Variants in TBC1D5 observed in about 807,000 individuals in gnomAD.
The protein encoded by TBC1D5 is TBC1 domain family, member 5.
Under a neutral mutation model 100.3 loss-of-function variants are expected in TBC1D5, and 75 were observed. That is an observed-to-expected ratio of 0.75 (90% confidence interval 0.62 to 0.91). TBC1D5 has a LOEUF of 0.91. TBC1D5 is among the 40% of genes least tolerant of loss of function. The pLI, the probability that TBC1D5 is intolerant of heterozygous loss-of-function variation, is 0.00. For synonymous variants in TBC1D5, 323 were observed against 325.6 expected (o/e 0.99, Z 0.09); for missense variants, 910 against 942.4 (o/e 0.97, Z 0.45).
At chr3:17,443,372 C>T (rs895386890) in intron 3 of TBC1D5, among the ~76,000 whole-genome samples, 6 of 152,178 alleles carry the variant, frequency 3.9e-5, no homozygotes, top group Non-Finnish European at 7.3e-5. Context: ...AACAATACCA[C>T]GTGCTGGATA....
chr3:17,449,539 C>A (rs1396763439), intron 3 of TBC1D5, among the ~76,000 whole-genome samples: 2 of 152,164 alleles, frequency 1.3e-5, no homozygotes, highest in African/African-American at 4.8e-5. Flanking sequence ...GATACTCAAG[C>A]TTGGTAGGGG....
intron 19 of TBC1D5, 149 bp from the exon 21 acceptor site, chr3:17,167,977 G>A: frequency 1.6e-6 from 1 of 622,936 alleles, no homozygotes; most frequent in Admixed American, 2.9e-5. Context: ...CTGCGGATGG[G>A]GAAGCTGCAG....
intron 14 of TBC1D5, among the ~76,000 whole-genome samples, chr3:17,298,608 T>C (rs987471659): frequency 2.0e-5 from 3 of 152,148 alleles, no homozygotes; most frequent in Admixed American, 6.5e-5. Context: ...GTCTTACTTG[T>C]ATATGAGGGA....
At chr3:17,415,217 C>T (rs917991142) in intron 4 of TBC1D5, among the ~76,000 whole-genome samples, 2 of 152,084 alleles carry the variant, frequency 1.3e-5, no homozygotes, top group African/African-American at 2.4e-5. Flanking sequence ...AGTGCAGTGG[C>T]GCTATCTCTG....
exon 14 of TBC1D5, chr3:17,308,079 C>T: frequency 6.2e-7 from 1 of 1,610,120 alleles, no homozygotes; most frequent in Admixed American, 1.7e-5. Context: ...GCATCCCAGA[C>T]CACCAGAAGG....
intron 15 of TBC1D5, among the ~76,000 whole-genome samples, chr3:17,289,451 T>G (rs191195249): frequency 6.6e-6 from 1 of 152,014 alleles, no homozygotes; most frequent in East Asian, 1.9e-4. Context: ...CTGGCCAACA[T>G]AGTGAAACCC....
chr3:17,232,119 A>G lies in TBC1D5; in HGVS notation c.1588+6044T>C, dbSNP rs1185283728. On this transcript the variant is annotated intron_variant, in intron 17 of 21. Coordinates refer to ENST00000253692, the Ensembl canonical transcript of TBC1D5. ...ATATAACACGAGGTATTTGAACAAA[A>G]CAATATAACCTCCCTCTTTGAAGTT... Among the ~76,000 whole-genome samples, 4 of 152,192 alleles carry G rather than the reference A, an allele frequency of 2.6e-5. No homozygotes were observed. The East Asian group carries it at 5.8e-4, about 22-fold the overall frequency.
chr3:17,695,030 A>T (rs2071787932), intron 1 of TBC1D5, among the ~76,000 whole-genome samples: 1 of 152,232 alleles, frequency 6.6e-6, no homozygotes. Context: ...AAAATCCTTT[A>T]CACACAAGCA....
intron 17 of TBC1D5, among the ~76,000 whole-genome samples, chr3:17,224,457 T>C (rs1373484315): frequency 6.6e-6 from 1 of 152,196 alleles, no homozygotes; most frequent in African/African-American, 2.4e-5. Context: ...TAAAAAATTA[T>C]TGACAAATTT....
At chr3:17,669,883 TTTTG>T (rs369245768) in intron 1 of TBC1D5, among the ~76,000 whole-genome samples, 3 of 152,094 alleles carry the variant, frequency 2.0e-5, no homozygotes, top group Admixed American at 6.5e-5. Context: ...GTCCCATGTT[TTTTG>T]TTTGTTTGTT....
chr3:17,479,164 G>A (rs1443686985), intron 3 of TBC1D5, among the ~76,000 whole-genome samples: 5 of 152,176 alleles, frequency 3.3e-5, no homozygotes, highest in Non-Finnish European at 7.3e-5. Context: ...TTTTGGGGTG[G>A]CAGAGGCAAG....
chr3:17,385,148 T>G (rs988583700), intron 8 of TBC1D5, among the ~76,000 whole-genome samples: 2 of 152,060 alleles, frequency 1.3e-5, no homozygotes, highest in Non-Finnish European at 1.5e-5. Flanking sequence ...ACAATACTGA[T>G]CTTGTGATCA....
At chr3:17,378,744 A>C (rs1354981643) in intron 9 of TBC1D5, among the ~76,000 whole-genome samples, 1 of 149,848 alleles carries the variant, frequency 6.7e-6, no homozygotes, top group Non-Finnish European at 1.5e-5. Flanking sequence ...CCTTATATTG[A>C]GATTAGGAAA....
intron 19 of TBC1D5, among the ~76,000 whole-genome samples, chr3:17,181,821 T>C (rs1198976998): frequency 6.6e-6 from 1 of 152,220 alleles, no homozygotes; most frequent in Non-Finnish European, 1.5e-5. Flanking sequence ...AGGCCAAATA[T>C]ATACCATTTT....
chr3:17,400,128 G>A (rs902194599), intron 8 of TBC1D5, among the ~76,000 whole-genome samples: 1 of 152,004 alleles, frequency 6.6e-6, no homozygotes, highest in Non-Finnish European at 1.5e-5. Context: ...TGTGATGGCA[G>A]CATCCTATCT....
intron 2 of TBC1D5, among the ~76,000 whole-genome samples, chr3:17,513,985 G>A (rs2095948634): frequency 6.6e-6 from 1 of 152,038 alleles, no homozygotes; most frequent in African/African-American, 2.4e-5. Context: ...ATGATTGGAA[G>A]TAACAATGTT....
At position 17,420,439 on chromosome 3, in the gene TBC1D5, T is replaced by A. The variant is rs367788405; in HGVS notation, c.167+8011A>T. On this transcript the variant is annotated intron_variant, in intron 4 of 21. Coordinates refer to ENST00000253692, the Ensembl canonical transcript of TBC1D5. ...GTCAAATTGTTTATGAAATAGACAA[T>A]CAGAAATTAAGTATTATATAGAGCT... Among the ~76,000 whole-genome samples the A allele has an allele frequency of 1.7e-4, 26 of 152,186 alleles. No individual in the cohort carries two copies. In the East Asian group the frequency reaches 3.9e-3, roughly 23 times the overall value.
intron 2 of TBC1D5, among the ~76,000 whole-genome samples, chr3:17,529,133 C>T (rs567199733): frequency 5.3e-5 from 8 of 152,306 alleles, no homozygotes; most frequent in Non-Finnish European, 7.3e-5. Flanking sequence ...GAAACCCCTT[C>T]GATGAGTGAC....
rs78613830 is a variant in TBC1D5, at chr3:17,462,716, C to G, written c.98-34197G>C. ...TCCTTCTACTGCTTGCCTATCTATA[C>G]AGAATAATAATAAAGACTGTATGAA... On this transcript the variant is annotated intron_variant, in intron 3 of 21. Coordinates refer to ENST00000253692, the Ensembl canonical transcript of TBC1D5. 3.5e-3 allele frequency among the ~76,000 whole-genome samples: 529 copies of G among 152,204 alleles called. 3 individuals carry two copies. Among genetic ancestry groups the G allele is most frequent in the African/African-American group, 0.012 (514 of 41,526 alleles).
Sources: allele counts gnomAD v4.1 joint callset (sites outside exome capture counted in the v4.1 genomes callset), GRCh38; gene constraint gnomAD v4.1.1; transcripts MANE v1.5; gene names NCBI Gene and HGNC (gene_info 2026-07-23, HGNC 2026-07-21).